Variants in THOC5 observed in about 807,000 individuals in gnomAD.
The protein encoded by THOC5 is Fms-interacting protein.
In THOC5, 43 loss-of-function variants were observed where a neutral mutation model predicts 92.9. The ratio of observed to expected loss-of-function variants is 0.46; its 90% CI spans 0.36 to 0.60. THOC5 has a LOEUF of 0.60. THOC5 is among the 20% of genes least tolerant of loss of function. The pLI is 0.00. For missense variants in THOC5, 659 were observed against 849.4 expected (o/e 0.78, Z 2.79); for synonymous variants, 296 against 320.1 (o/e 0.92, Z 0.80).
chr22:29,534,239 T>C (rs964772340), intron 7 of THOC5, among the ~76,000 whole-genome samples: 20 of 152,164 alleles, frequency 1.3e-4, no homozygotes, highest in African/African-American at 4.3e-4. Context: ...TAACCTATGA[T>C]GTTAAGATGT....
At chr22:29,511,861 G>T (rs2074948) in intron 18 of THOC5, among the ~76,000 whole-genome samples, 160 bp downstream of exon 18, 30,190 of 152,156 alleles carry the variant, frequency 0.2, 3,342 homozygotes, top group East Asian at 0.43. Context: ...CTTTCCTCTA[G>T]TACACCACAC....
chr22:29,544,260 G>A (rs544122507), intron 3 of THOC5, among the ~76,000 whole-genome samples, 200 bp downstream of exon 3: 68 of 152,262 alleles, frequency 4.5e-4, no homozygotes, highest in African/African-American at 1.4e-3. Flanking sequence ...TAATTATCCT[G>A]TACTTTCATT....
At chr22:29,546,209 G>A (rs1231585985) in intron 2 of THOC5, among the ~76,000 whole-genome samples, 1 of 152,166 alleles carries the variant, frequency 6.6e-6, no homozygotes, top group African/African-American at 2.4e-5. Flanking sequence ...ATATAGCACA[G>A]GGACCCTGGG....
chr22:29,513,429 G>T lies in THOC5; in HGVS notation c.1682-1293C>A, dbSNP rs544754769. On this transcript the variant is annotated intron_variant, in intron 17 of 19. Coordinates refer to ENST00000490103, the MANE Select transcript of THOC5 (RefSeq NM_003678.5). ...GAGTGTTCTGGACTGGGCATGGGGGGTCACGCCTATAATCCCAGCACTTTG... is the reference window on the plus strand; with the variant it reads ...GAGTGTTCTGGACTGGGCATGGGGGTTCACGCCTATAATCCCAGCACTTTG... Among the ~76,000 whole-genome samples the T allele has an allele frequency of 1.5e-4, 22 of 147,360 alleles. No individual in the cohort carries two copies. In the South Asian group the frequency reaches 4.8e-3, roughly 32 times the overall value.
intron 11 of THOC5, among the ~76,000 whole-genome samples, chr22:29,526,638 C>G (rs1318661889): frequency 6.6e-6 from 1 of 152,082 alleles, no homozygotes; most frequent in Non-Finnish European, 1.5e-5. Flanking sequence ...CTTAATTTCT[C>G]TGCCCTTGAG....
At chr22:29,536,591 G>A (rs1473071641) in intron 7 of THOC5, 33 bp downstream of exon 7, 3 of 1,338,148 alleles carry the variant, frequency 2.2e-6, no homozygotes, top group African/African-American at 2.9e-5. Flanking sequence ...CTGGTCAGTG[G>A]TGAAGGCAAA....
chr22:29,539,551 C>A (rs2063835834), intron 5 of THOC5, 75 bp from the exon 6 acceptor site: 2 of 1,509,284 alleles, frequency 1.3e-6, no homozygotes, highest in South Asian at 1.2e-5. Flanking sequence ...CCAAAGTTAT[C>A]CCCAACATAT....
chr22:29,515,663 C>CAA lies in THOC5; in HGVS notation c.1681+1364_1681+1365dup, dbSNP rs202113737. Among the ~76,000 whole-genome samples, 277 of 55,170 alleles carry CAA rather than the reference C, an allele frequency of 5.0e-3. 1 individual carries two copies. Among genetic ancestry groups the CAA allele is most frequent in the African/African-American group, 0.016 (260 of 16,606 alleles). 36.2% of individuals were successfully genotyped at this position (55,170 alleles called of 152,430 possible). ...GCAACAAAGCAAGACCTTATCTCTA[C>CAA]AAAAAAAAAAAAAAAAAATTAGCCA... On this transcript the variant is annotated intron_variant, in intron 17 of 19. Transcript: ENST00000490103.
At position 29,531,847 on chromosome 22, in the gene THOC5, C is replaced by T. The variant is rs71329494; in HGVS notation, c.831G>A (p.Ala277=). The T allele has an allele frequency of 0.014, 23,359 of 1,614,096 alleles. 220 individuals carry two copies. Among genetic ancestry groups the T allele is most frequent in the Non-Finnish European group, 0.018 (21,098 of 1,179,974 alleles). The part of the protein sequence containing the change: ...PLYVLFVQAT[A]YGQACDKTLS... ...CATACTCACCACAGGCCTGCCCATA[C>T]GCAGTGGCCTGAACAAAGAGGACAT... is the stretch of plus-strand genomic sequence containing the variant. Residue 277 remains alanine, a synonymous_variant, in exon 8 of 20, where the codon GCG becomes GCA. Coordinates refer to ENST00000490103, the MANE Select transcript of THOC5 (RefSeq NM_003678.5).
At chr22:29,524,820 C>A (rs1237090804) in intron 12 of THOC5, among the ~76,000 whole-genome samples, 1 of 152,162 alleles carries the variant, frequency 6.6e-6, no homozygotes, top group South Asian at 2.1e-4. Context: ...GTGGAAAGAG[C>A]CCTGCTCTAC....
intron 1 of THOC5, among the ~76,000 whole-genome samples, chr22:29,551,368 A>T (rs2064139116): frequency 1.3e-5 from 2 of 152,128 alleles, no homozygotes; most frequent in African/African-American, 4.8e-5. Context: ...CAGGGAGCAG[A>T]GGTTGCAATG....
At chr22:29,538,746 G>A (rs2063811547) in intron 6 of THOC5, among the ~76,000 whole-genome samples, 1 of 138,972 alleles carries the variant, frequency 7.2e-6, no homozygotes, top group African/African-American at 2.7e-5. Flanking sequence ...GAAGTGAGTC[G>A]TGATAGTGCC....
chr22:29,530,308 C>T (rs1259928437), intron 8 of THOC5, among the ~76,000 whole-genome samples: 1 of 151,540 alleles, frequency 6.6e-6, no homozygotes, highest in Admixed American at 6.6e-5. Flanking sequence ...CACCTGAGAT[C>T]AGGAGTTCGA....
chr22:29,544,534 T>G lies in THOC5; in HGVS notation c.166A>C (p.Lys56Gln). The change falls in exon 3 of 20, where the codon AAG (lysine) becomes CAG (glutamine). Residue 56 changes from lysine to glutamine, a missense_variant. Transcript: ENST00000490103. The part of the protein sequence containing the change: ...RDPGRDYELY[K>Q]YTCQELQRLM... ...CTCTGTAGCTCCTGGCAGGTGTACT[T>G]GTATAACTCATAGTCTCTGCCAGGG... The G allele has an allele frequency of 6.2e-7, 1 of 1,614,062 alleles. No individual in the cohort carries two copies. The highest frequency in any genetic ancestry group is 8.5e-7 in the Non-Finnish European group (1 of 1,180,014).
chr22:29,531,282 G>A, intron 8 of THOC5: 1 of 985,392 alleles, frequency 1.0e-6, no homozygotes, highest in Non-Finnish European at 1.2e-6. Flanking sequence ...AAATGTAGGT[G>A]CTGGGTGAAA....
intron 2 of THOC5, among the ~76,000 whole-genome samples, chr22:29,546,874 C>A (rs1019810297): frequency 5.3e-5 from 8 of 149,890 alleles, no homozygotes; most frequent in African/African-American, 1.7e-4. Context: ...AGGTCTTGCT[C>A]TTGTTGCTCA....
chr22:29,517,001 G>T (rs2063345382), intron 17 of THOC5, 28 bp downstream of exon 17: 1 of 1,611,750 alleles, frequency 6.2e-7, no homozygotes, highest in African/African-American at 1.3e-5. Context: ...CCTTTGTCTA[G>T]AACCCCTGTA....
At chr22:29,528,826 T>C (rs1260198227) in intron 9 of THOC5, 3 of 499,658 alleles carry the variant, frequency 6.0e-6, no homozygotes, top group Non-Finnish European at 1.1e-5. Flanking sequence ...CTGAGAATTA[T>C]GCTAAAGGCT....
chr22:29,551,529 C>T (rs771935499), intron 1 of THOC5, among the ~76,000 whole-genome samples: 5 of 152,228 alleles, frequency 3.3e-5, no homozygotes, highest in South Asian at 2.1e-4. Flanking sequence ...GTGAGAGAAT[C>T]GCTTGAGCCC....
Sources: allele counts gnomAD v4.1 joint callset (sites outside exome capture counted in the v4.1 genomes callset), GRCh38; gene constraint gnomAD v4.1.1; transcripts MANE v1.5; gene names NCBI Gene and HGNC (gene_info 2026-07-23, HGNC 2026-07-21).